The following ARHGAP6 variants were observed in gnomAD, a reference collection of about 807,000 sequenced individuals.
ARHGAP6 encodes the protein Rho GTPase activating protein 6, also known as rho GTPase-activating protein 6.
A neutral mutation model predicts 55.7 loss-of-function variants in ARHGAP6; 16 were observed. That is an observed-to-expected ratio of 0.29 (90% CI 0.19 to 0.44). The LOEUF is 0.44. Ranked by LOEUF, ARHGAP6 falls within the 20% of genes least tolerant of loss-of-function variation. The pLI, the probability that ARHGAP6 is intolerant of heterozygous loss-of-function variation, is 1.00. For missense variants in ARHGAP6, 698 were observed against 808.9 expected (o/e 0.86, Z 1.66); for synonymous variants, 382 against 360.9 (o/e 1.06, Z -0.66).
At chrX:11,543,251 A>G (rs2051178295) in intron 1 of ARHGAP6, among the ~76,000 whole-genome samples, 1 of 112,892 alleles carries the variant, frequency 8.9e-6, no homozygotes, top group African/African-American at 3.2e-5. Flanking sequence ...GGCTTGATTC[A>G]TTTCAAGTTT....
At chrX:11,360,497 G>A (rs1160890328) in intron 1 of ARHGAP6, among the ~76,000 whole-genome samples, 1 of 108,972 alleles carries the variant, frequency 9.2e-6, no homozygotes, top group African/African-American at 3.4e-5. Flanking sequence ...GGTATTGATG[G>A]GACGTATCTC....
intron 2 of ARHGAP6, among the ~76,000 whole-genome samples, chrX:11,247,260 A>C (rs2047366134): frequency 8.9e-6 from 1 of 112,277 alleles, no homozygotes; most frequent in Non-Finnish European, 1.9e-5. Flanking sequence ...TGCATAAACA[A>C]AGCCTTTCTC....
intron 1 of ARHGAP6, among the ~76,000 whole-genome samples, chrX:11,563,137 G>A (rs923891707): frequency 1.2e-4 from 13 of 111,130 alleles, no homozygotes; most frequent in African/African-American, 3.9e-4. Flanking sequence ...AAGACATTGA[G>A]TTGAAAAAAG....
At chrX:11,369,798 A>G (rs1267378175) in intron 1 of ARHGAP6, among the ~76,000 whole-genome samples, 1 of 111,617 alleles carries the variant, frequency 9.0e-6, no homozygotes, top group Non-Finnish European at 1.9e-5. Context: ...CCCCCGTTTT[A>G]CTCAAAGCTT....
intron 1 of ARHGAP6, among the ~76,000 whole-genome samples, chrX:11,397,140 A>G (rs2049487049): frequency 8.9e-6 from 1 of 111,879 alleles, no homozygotes; most frequent in Admixed American, 9.5e-5. Context: ...AAAGGTCAGA[A>G]TCAGGCTGCA....
intron 1 of ARHGAP6, among the ~76,000 whole-genome samples, chrX:11,460,222 C>T (rs2050231192): frequency 9.0e-6 from 1 of 111,578 alleles, no homozygotes; most frequent in African/African-American, 3.3e-5. Context: ...TGTGAGAGGG[C>T]CTGTGAGATG....
intron 1 of ARHGAP6, among the ~76,000 whole-genome samples, chrX:11,452,390 C>T (rs187031802): frequency 7.2e-5 from 8 of 111,489 alleles, no homozygotes; most frequent in Admixed American, 6.7e-4. Flanking sequence ...TCAGGTGATC[C>T]GCCCACCTCA....
chrX:11,427,765 C>T, intron 1 of ARHGAP6: 9 of 760,112 alleles, frequency 1.2e-5, no homozygotes, highest in Non-Finnish European at 1.4e-5. Context: ...GCTGCCGCTG[C>T]GGAGCCGGTG....
In ARHGAP6 at chrX:11,185,354, T is replaced by C. The variant is rs976709438; in HGVS notation, c.1273+882A>G. On this transcript the variant is annotated intron_variant, in intron 5 of 12. Coordinates refer to ENST00000337414, the MANE Select transcript of ARHGAP6 (RefSeq NM_013427.3). ...TCCATATGTTATCCTATGATTTCCA[T>C]TGTAATGAATTAAGAAATTTAAATA... Among the ~76,000 whole-genome samples, 17 of 112,101 alleles carry C rather than the reference T, an allele frequency of 1.5e-4. No homozygotes were observed. The Admixed American group carries it at 1.6e-3, about 11-fold the overall frequency.
At chrX:11,216,169 C>CA (rs199995140) in intron 2 of ARHGAP6, among the ~76,000 whole-genome samples, 2,928 of 101,404 alleles carry the variant, frequency 0.029, 39 homozygotes, top group Middle Eastern at 0.074. Context: ...CATTTCTCCA[C>CA]AAAAAAATGT....
intron 1 of ARHGAP6, among the ~76,000 whole-genome samples, chrX:11,588,183 C>T (rs1353657180): frequency 1.8e-5 from 2 of 111,819 alleles, no homozygotes; most frequent in East Asian, 2.8e-4. Context: ...TCTGAGAGGG[C>T]TTCATTTCAG....
intron 2 of ARHGAP6, among the ~76,000 whole-genome samples, chrX:11,249,257 T>C (rs2047391891): frequency 9.0e-6 from 1 of 110,879 alleles, no homozygotes; most frequent in Non-Finnish European, 1.9e-5. Context: ...ACAATAGACT[T>C]CAGGGACTCA....
At chrX:11,344,607 G>A (rs1482397873) in intron 1 of ARHGAP6, among the ~76,000 whole-genome samples, 2 of 100,866 alleles carry the variant, frequency 2.0e-5, no homozygotes, top group African/African-American at 7.4e-5. Flanking sequence ...GAACCCAGGA[G>A]GCGGAGGTTG....
At chrX:11,354,422 T>C (rs1027059867) in intron 1 of ARHGAP6, among the ~76,000 whole-genome samples, 51 of 101,942 alleles carry the variant, frequency 5.0e-4, no homozygotes, top group African/African-American at 1.8e-3. Context: ...ACCACCATCA[T>C]TGTCATCATT....
intron 1 of ARHGAP6, among the ~76,000 whole-genome samples, chrX:11,576,018 C>T (rs969754003): frequency 8.9e-6 from 1 of 112,032 alleles, no homozygotes; most frequent in African/African-American, 3.2e-5. Context: ...AGTAAATTAT[C>T]GTTTTTTTAA....
intron 2 of ARHGAP6, among the ~76,000 whole-genome samples, chrX:11,222,813 G>A (rs1337722878): frequency 4.5e-5 from 5 of 111,823 alleles, no homozygotes; most frequent in Admixed American, 9.5e-5. Flanking sequence ...GAAACATGTC[G>A]TTTGAACTGT....
chrX:11,299,182 T>A (rs985334863), intron 1 of ARHGAP6, among the ~76,000 whole-genome samples: 1 of 111,964 alleles, frequency 8.9e-6, no homozygotes, highest in East Asian at 2.8e-4. Flanking sequence ...ACAGTTTTTA[T>A]GGTAGGTTTC....
chrX:11,139,407 G>A lies in ARHGAP6; in HGVS notation c.2381C>T (p.Thr794Met), dbSNP rs754423051. Residue 794 changes from threonine to methionine, a missense_variant, in exon 13 of 13, where the codon ACG becomes ATG. Around this residue, in one of 3 missense-constraint regions of ARHGAP6, gnomAD observed 212 missense variants for 208.7 expected, o/e 1.02. Transcript: ENST00000337414. ...QGSPAELDSDTQGARRTQAAA... is the reference protein window; with the variant it reads ...QGSPAELDSDMQGARRTQAAA... ...GGCCTGAGTCCTCCGAGCCCCCTGC[G>A]TGTCGCTGTCCAGCTCTGCGGGGCT... 40 of 1,188,769 alleles carry A rather than the reference G, an allele frequency of 3.4e-5. No homozygotes were observed. Among genetic ancestry groups the A allele is most frequent in the Middle Eastern group, 4.7e-4 (2 of 4,240 alleles).
At chrX:11,653,464 A>C (rs2147200377) in intron 1 of ARHGAP6, among the ~76,000 whole-genome samples, 1 of 112,588 alleles carries the variant, frequency 8.9e-6, no homozygotes, top group Non-Finnish European at 1.9e-5. Context: ...CACTGACCAA[A>C]GTTTCTGGCA....
Sources: allele counts gnomAD v4.1 joint callset (sites outside exome capture counted in the v4.1 genomes callset), GRCh38; gene constraint gnomAD v4.1.1; regional missense constraint gnomAD v4.1.1; transcripts MANE v1.5; gene names NCBI Gene and HGNC (gene_info 2026-07-23, HGNC 2026-07-21).